Variants in UBE4B observed in about 807,000 individuals in gnomAD.
UBE4B encodes ubiquitin conjugation factor E4 B.
Under a neutral mutation model 148.1 loss-of-function variants are expected in UBE4B, and 27 were observed. The observed-to-expected ratio is 0.18, with a 90% confidence interval of 0.13 to 0.25. The LOEUF is 0.25. Ranked by LOEUF, UBE4B falls within the 10% of genes least tolerant of loss-of-function variation. The probability of loss-of-function intolerance (pLI) is 1.00; values close to 1 mark genes in which losing one functional copy is unlikely to be tolerated. For synonymous variants in UBE4B, 596 were observed against 619.3 expected (o/e 0.96, Z 0.56); for missense variants, 1,170 against 1,662.4 (o/e 0.70, Z 5.15).
At chr1:10,111,092 C>G (rs1373727565) in intron 7 of UBE4B, among the ~76,000 whole-genome samples, 1 of 141,306 alleles carries the variant, frequency 7.1e-6, no homozygotes, top group Non-Finnish European at 1.5e-5. Flanking sequence ...CACACACACA[C>G]AGTCTTTCCA....
intron 3 of UBE4B, among the ~76,000 whole-genome samples, chr1:10,098,205 G>A (rs1227559447): frequency 1.3e-5 from 2 of 152,072 alleles, no homozygotes; most frequent in African/African-American, 4.8e-5. Context: ...TATAAATATA[G>A]TATATCATGA....
rs527386406 is a variant in UBE4B, at chr1:10,148,003, G to A, written c.2591+913G>A. 1.1e-4 allele frequency among the ~76,000 whole-genome samples: 17 copies of A among 152,268 alleles called. No individual in the cohort carries two copies. The East Asian group carries it at 3.3e-3, about 29-fold the overall frequency. On this transcript the variant is annotated intron_variant, in intron 19 of 27. Transcript: ENST00000343090. ...AGCACTTTGGGAGGCCAGGGCGGGT[G>A]GATCACATGGTCAGGAGATCGAGAC...
chr1:10,152,980 T>A (rs1646002171), intron 21 of UBE4B, among the ~76,000 whole-genome samples: 1 of 151,376 alleles, frequency 6.6e-6, no homozygotes, highest in African/African-American at 2.4e-5. Flanking sequence ...CAGTAGGTGC[T>A]GGTGTCTCTC....
intron 1 of UBE4B, among the ~76,000 whole-genome samples, chr1:10,051,314 T>A (rs1464689487): frequency 6.6e-6 from 1 of 152,230 alleles, no homozygotes; most frequent in Non-Finnish European, 1.5e-5. Context: ...TGGAGTGATG[T>A]GAAGTGTGCA....
chr1:10,160,119 G>C (rs904789039), intron 22 of UBE4B, among the ~76,000 whole-genome samples: 1 of 152,234 alleles, frequency 6.6e-6, no homozygotes, highest in African/African-American at 2.4e-5. Flanking sequence ...GGCATCTCCA[G>C]AGTCTAACAG....
At chr1:10,151,703 G>GGAT in intron 21 of UBE4B, 142 bp downstream of exon 21, 1 of 716,120 alleles carries the variant, frequency 1.4e-6, no homozygotes, top group South Asian at 1.9e-5. Context: ...GGCCTGCAGA[G>GGAT]GATGTACTTT....
At chr1:10,179,298 AG>A in intron 26 of UBE4B, 117 bp from the exon 27 acceptor site, 1 of 1,286,286 alleles carries the variant, frequency 7.8e-7, no homozygotes, top group Non-Finnish European at 1.1e-6. Flanking sequence ...GGGGCCTCAC[AG>A]GGGCCCTTTG....
intron 23 of UBE4B, among the ~76,000 whole-genome samples, chr1:10,166,799 C>T (rs537207855): frequency 2.2e-4 from 33 of 152,030 alleles, no homozygotes; most frequent in Non-Finnish European, 4.7e-4. Context: ...GTGGCACGCA[C>T]GTGTAATCCC....
chr1:10,095,513 G>C lies in UBE4B; in HGVS notation c.264G>C (p.Ser88=). The C allele has an allele frequency of 6.2e-7, 1 of 1,614,096 alleles. No homozygotes were observed. The highest frequency in any genetic ancestry group is 8.5e-7 in the Non-Finnish European group (1 of 1,180,024). ...AAGGAGTCAGTTCTCTCAGCAGCTC[G>C]CCCTCTAATAGCCTTGAAACGCAAT... ...SSEGVSSLSS[S]PSNSLETQSQ... is the part of the protein sequence containing the mutation. The change falls in exon 3 of 28, where the codon TCG becomes TCC. Residue 88 remains serine (S), a synonymous_variant. Coordinates refer to ENST00000343090, the MANE Select transcript of UBE4B (RefSeq NM_001105562.3).
intron 9 of UBE4B, 21 bp downstream of exon 9, chr1:10,119,634 C>T: frequency 6.2e-7 from 1 of 1,605,230 alleles, no homozygotes; most frequent in Non-Finnish European, 8.5e-7. Context: ...CCGTGACGTG[C>T]TTGACATTAG....
chr1:10,155,955 G>C (rs554985619), intron 21 of UBE4B, among the ~76,000 whole-genome samples: 1 of 151,806 alleles, frequency 6.6e-6, no homozygotes, highest in African/African-American at 2.4e-5. Flanking sequence ...ACCGGGACCT[G>C]GGAGGTGGAG....
intron 2 of UBE4B, among the ~76,000 whole-genome samples, chr1:10,088,601 C>T (rs965162934): frequency 1.3e-5 from 2 of 151,822 alleles, no homozygotes; most frequent in African/African-American, 2.4e-5. Flanking sequence ...GTCTTGAACT[C>T]CTCAGCTGAT....
intron 3 of UBE4B, among the ~76,000 whole-genome samples, chr1:10,099,550 G>T (rs1210921803): frequency 6.6e-6 from 1 of 152,118 alleles, no homozygotes; most frequent in African/African-American, 2.4e-5. Context: ...TTCTCCCCAA[G>T]TTGATCTCTA....
chr1:10,085,388 C>A (rs916847022), intron 2 of UBE4B, among the ~76,000 whole-genome samples: 1 of 152,208 alleles, frequency 6.6e-6, no homozygotes, highest in Admixed American at 6.5e-5. Context: ...AATCAAGTGA[C>A]ATCTTCCCGA....
chr1:10,175,987 T>C (rs1646424160), intron 25 of UBE4B, among the ~76,000 whole-genome samples: 2 of 152,196 alleles, frequency 1.3e-5, no homozygotes, highest in African/African-American at 2.4e-5. Flanking sequence ...AGTCGCTGTC[T>C]AGACCCCCTT....
intron 22 of UBE4B, among the ~76,000 whole-genome samples, chr1:10,160,105 A>G (rs183693568): frequency 3.0e-4 from 45 of 152,318 alleles, no homozygotes; most frequent in African/African-American, 9.4e-4. Context: ...TTCTCTACGA[A>G]TCTGGCATCT....
chr1:10,179,625 C>T (rs1646477084), intron 27 of UBE4B, 63 bp downstream of exon 27: 2 of 1,593,464 alleles, frequency 1.3e-6, no homozygotes, highest in Non-Finnish European at 1.7e-6. Flanking sequence ...AAGCCCAAGT[C>T]ACATATTGGA....
chr1:10,131,282 G>A (rs541968628), intron 14 of UBE4B, among the ~76,000 whole-genome samples: 1 of 151,790 alleles, frequency 6.6e-6, no homozygotes, highest in East Asian at 2.0e-4. Flanking sequence ...TTTGAGAACA[G>A]CCTGGCCAAC....
intron 5 of UBE4B, among the ~76,000 whole-genome samples, chr1:10,104,308 G>A (rs1645071420): frequency 6.6e-6 from 1 of 152,086 alleles, no homozygotes. Context: ...AGCATCATAG[G>A]GCACTATCCT....
Sources: gnomAD v4.1 joint callset for allele counts (sites outside exome capture counted in the v4.1 genomes callset) on GRCh38, gnomAD v4.1.1 for gene constraint, MANE v1.5 for transcripts, NCBI Gene and HGNC (gene_info 2026-07-23, HGNC 2026-07-21) for gene names.